The following MAP4K4 variants were observed in gnomAD, a reference collection of about 807,000 sequenced individuals.
The protein encoded by MAP4K4 is HPK/GCK-like kinase HGK.
Under a neutral mutation model 189.6 loss-of-function variants are expected in MAP4K4, and 38 were observed. The observed-to-expected ratio is 0.20, with a 90% CI of 0.15 to 0.26. MAP4K4 has a LOEUF of 0.26. Among genes scored for constraint, MAP4K4 ranks in the 10% least tolerant of loss-of-function variants. The pLI is 1.00. For missense variants in MAP4K4, 1,054 were observed against 1,726.9 expected, an observed-to-expected ratio of 0.61 and a Z score of 6.91; for synonymous variants, 610 against 624.3, an observed-to-expected ratio of 0.98 and a Z score of 0.34.
chr2:101,757,095 C>T (rs1340292434), intron 2 of MAP4K4, among the ~76,000 whole-genome samples: 4 of 152,052 alleles, frequency 2.6e-5, no homozygotes, highest in African/African-American at 4.8e-5. Context: ...TCTGTGTGTA[C>T]CTTTGGAGTA....
At chr2:101,721,241 C>G (rs1309348119) in intron 2 of MAP4K4, among the ~76,000 whole-genome samples, 2 of 151,898 alleles carry the variant, frequency 1.3e-5, no homozygotes, top group Non-Finnish European at 2.9e-5. Context: ...TTAAGGCAGA[C>G]TTGAGAATTC....
At chr2:101,750,627 A>G in intron 2 of MAP4K4, among the ~76,000 whole-genome samples, 1 of 151,576 alleles carries the variant, frequency 6.6e-6, no homozygotes, top group Non-Finnish European at 1.5e-5. Flanking sequence ...AACCTGCACA[A>G]TGTGCACATG....
At chr2:101,710,492 C>T (rs1666733275) in intron 2 of MAP4K4, among the ~76,000 whole-genome samples, 2 of 152,106 alleles carry the variant, frequency 1.3e-5, no homozygotes, top group Admixed American at 1.3e-4. Context: ...TTATCTAGTA[C>T]TTAATGTGTT....
intron 9 of MAP4K4, among the ~76,000 whole-genome samples, chr2:101,839,155 A>G (rs2096848365): frequency 6.6e-6 from 1 of 152,232 alleles, no homozygotes; most frequent in African/African-American, 2.4e-5. Flanking sequence ...TGTCTTGACC[A>G]AGGCTAGGGC....
chr2:101,708,172 T>A (rs570613487), intron 2 of MAP4K4, among the ~76,000 whole-genome samples: 1 of 152,286 alleles, frequency 6.6e-6, no homozygotes, highest in African/African-American at 2.4e-5. Context: ...ATCTTTATTC[T>A]TTTGTTTACT....
chr2:101,800,044 TG>T (rs1278338326), intron 3 of MAP4K4, among the ~76,000 whole-genome samples: 10 of 152,126 alleles, frequency 6.6e-5, no homozygotes, highest in African/African-American at 7.2e-5. Context: ...TTCATTCACG[TG>T]GGTGGTGCTT....
intron 12 of MAP4K4, among the ~76,000 whole-genome samples, chr2:101,850,774 C>G (rs994471821): frequency 1.3e-5 from 2 of 152,190 alleles, no homozygotes; most frequent in African/African-American, 4.8e-5. Flanking sequence ...GCATCCCAGT[C>G]TGGCATTTGG....
chr2:101,766,991 T>C (rs1335504541), intron 2 of MAP4K4, among the ~76,000 whole-genome samples: 4 of 152,174 alleles, frequency 2.6e-5, no homozygotes, highest in African/African-American at 9.7e-5. Flanking sequence ...TCTAGAGGTT[T>C]TCCATTGGCT....
exon 1 of MAP4K4, chr2:101,697,773 G>A (rs1284177218): frequency 6.9e-6 from 1 of 145,828 alleles, no homozygotes; most frequent in African/African-American, 2.5e-5. Context: ...GCGGCGCGGG[G>A]CGCGGGCGCC....
At chr2:101,868,866 A>G (rs1002761324) in intron 21 of MAP4K4, among the ~76,000 whole-genome samples, 8 of 151,986 alleles carry the variant, frequency 5.3e-5, no homozygotes, top group African/African-American at 1.2e-4. Flanking sequence ...GTATGAGGTA[A>G]AATTCTAGAT....
chr2:101,778,582 G>A (rs2085585348), intron 2 of MAP4K4, among the ~76,000 whole-genome samples: 1 of 152,120 alleles, frequency 6.6e-6, no homozygotes, highest in Non-Finnish European at 1.5e-5. Flanking sequence ...CAAGTCAGGG[G>A]TTGAGTGAAA....
chr2:101,830,153 T>C lies in MAP4K4; in HGVS notation c.508+559T>C, dbSNP rs186691471. On this transcript the variant is annotated intron_variant, in intron 6 of 32. Transcript: ENST00000324219. ...ACCTCTAATCTGTCTTGGGCCTTGCTGCTTGTTTCTTTCATAGTATTGTTC... is the reference window on the plus strand; with the variant it reads ...ACCTCTAATCTGTCTTGGGCCTTGCCGCTTGTTTCTTTCATAGTATTGTTC... Among the ~76,000 whole-genome samples the C allele has an allele frequency of 5.3e-5, 8 of 152,324 alleles. No individual in the cohort carries two copies. The East Asian group carries it at 9.7e-4, about 18-fold the overall frequency.
intron 9 of MAP4K4, among the ~76,000 whole-genome samples, chr2:101,837,589 C>T (rs190798273): frequency 2.7e-3 from 404 of 152,222 alleles, no homozygotes; most frequent in Non-Finnish European, 4.8e-3. Flanking sequence ...GTGGCCACGC[C>T]TAGGGAAACC....
intron 2 of MAP4K4, among the ~76,000 whole-genome samples, chr2:101,713,155 T>TC (rs2046532813): frequency 6.7e-6 from 1 of 149,078 alleles, no homozygotes; most frequent in Admixed American, 6.7e-5. Flanking sequence ...TCCACCCACC[T>TC]CCTCGGCCTC....
At chr2:101,735,041 C>T (rs1164817236) in intron 2 of MAP4K4, among the ~76,000 whole-genome samples, 1 of 149,776 alleles carries the variant, frequency 6.7e-6, no homozygotes, top group Non-Finnish European at 1.5e-5. Flanking sequence ...ACTACCTCGC[C>T]TCTCACTGGT....
chr2:101,808,119 T>C (rs183035341), intron 3 of MAP4K4, among the ~76,000 whole-genome samples: 42 of 152,332 alleles, frequency 2.8e-4, no homozygotes, highest in Admixed American at 1.7e-3. Context: ...TCAGTTCTGG[T>C]TGTTTCCCTT....
chr2:101,815,937 G>C (rs2095686286), intron 3 of MAP4K4, among the ~76,000 whole-genome samples: 1 of 152,158 alleles, frequency 6.6e-6, no homozygotes, highest in Non-Finnish European at 1.5e-5. Flanking sequence ...GTGCTACTGA[G>C]TCTTCTAGGG....
At chr2:101,872,524 C>G (rs1370005145) in intron 24 of MAP4K4, among the ~76,000 whole-genome samples, 2 of 152,156 alleles carry the variant, frequency 1.3e-5, no homozygotes, top group Non-Finnish European at 1.5e-5. Context: ...TGATTTGATT[C>G]CACAGAAGAT....
rs554560231 is a variant in MAP4K4, at chr2:101,734,244, A to G, written c.123+35706A>G. On this transcript the variant is annotated intron_variant, in intron 2 of 32. Transcript: ENST00000324219. ...TGTACAGAGTTAAAATATTAAGGAA[A>G]ATGTAAAATAATATAATAACTTGAT... 4.6e-5 allele frequency among the ~76,000 whole-genome samples: 7 copies of G among 152,316 alleles called. No individual in the cohort carries two copies. The South Asian group carries it at 1.4e-3, about 32-fold the overall frequency.
Sources: allele counts gnomAD v4.1 joint callset (sites outside exome capture counted in the v4.1 genomes callset), GRCh38; gene constraint gnomAD v4.1.1; transcripts MANE v1.5; gene names NCBI Gene and HGNC (gene_info 2026-07-23, HGNC 2026-07-21).